RBFOX1: variants seen among roughly 807,000 people sequenced by gnomAD.
RBFOX1 encodes the protein RNA binding protein fox-1 homolog 1.
RBFOX1 carries 8 observed loss-of-function variants against 57.7 expected under a neutral mutation model. The ratio of observed to expected loss-of-function variants is 0.14; its 90% CI spans 0.08 to 0.25. The LOEUF is 0.25. Among genes scored for constraint, RBFOX1 ranks in the 10% least tolerant of loss-of-function variants. The pLI is 1.00. For missense variants in RBFOX1, 611 were observed against 548.5 expected, an observed-to-expected ratio of 1.11 and a Z score of -1.14; for synonymous variants, 326 against 222.4, an observed-to-expected ratio of 1.47 and a Z score of -4.15.
chr16:6,266,007 T>G (rs1012578423), intron 1 of RBFOX1, among the ~76,000 whole-genome samples: 2 of 152,218 alleles, frequency 1.3e-5, no homozygotes, highest in African/African-American at 4.8e-5. Context: ...TTGTGGTATT[T>G]CTTACTGCAG....
At chr16:5,609,213 A>G (rs1197634639) in intron 3 of RBFOX1, among the ~76,000 whole-genome samples, 1 of 152,208 alleles carries the variant, frequency 6.6e-6, no homozygotes, top group Non-Finnish European at 1.5e-5. Flanking sequence ...CCAAACTCCC[A>G]TGGCTTGCTT....
intron 3 of RBFOX1, among the ~76,000 whole-genome samples, chr16:6,957,322 G>C (rs1175381751): frequency 6.6e-6 from 1 of 151,690 alleles, no homozygotes; most frequent in African/African-American, 2.4e-5. Context: ...TAGTACAGAC[G>C]GGGTTTCACC....
intron 4 of RBFOX1, among the ~76,000 whole-genome samples, chr16:7,171,115 C>G (rs558677757): frequency 6.6e-6 from 1 of 152,292 alleles, no homozygotes; most frequent in East Asian, 1.9e-4. Flanking sequence ...AAACCCTCTC[C>G]CTATGTCTTG....
intron 4 of RBFOX1, among the ~76,000 whole-genome samples, chr16:7,414,285 A>C (rs1042169001): frequency 4.6e-5 from 7 of 152,252 alleles, no homozygotes; most frequent in Non-Finnish European, 1.0e-4. Context: ...GCCTTACACA[A>C]GGAACTCTAT....
intron 1 of RBFOX1, among the ~76,000 whole-genome samples, chr16:5,278,952 C>G (rs999655110): frequency 2.6e-5 from 4 of 152,082 alleles, no homozygotes; most frequent in Admixed American, 6.5e-5. Context: ...GTTTTTGTGT[C>G]TGTTTTAATA....
At chr16:5,291,364 G>A (rs1241451323) in intron 1 of RBFOX1, among the ~76,000 whole-genome samples, 4 of 146,850 alleles carry the variant, frequency 2.7e-5, no homozygotes, top group Non-Finnish European at 4.4e-5. Flanking sequence ...CCGGGTTCAC[G>A]CCATTCTCCT....
intron 4 of RBFOX1, among the ~76,000 whole-genome samples, chr16:7,234,539 G>A (rs2152935415): frequency 6.6e-6 from 1 of 151,920 alleles, no homozygotes; most frequent in African/African-American, 2.4e-5. Context: ...TGGATAGTAT[G>A]AAGCATTTAA....
intron 4 of RBFOX1, among the ~76,000 whole-genome samples, chr16:7,105,825 C>G (rs192790799): frequency 3.3e-5 from 5 of 152,106 alleles, no homozygotes; most frequent in East Asian, 1.9e-4. Flanking sequence ...TCTTTATCCA[C>G]TCATTTGATT....
intron 2 of RBFOX1, among the ~76,000 whole-genome samples, chr16:5,572,719 A>G (rs2046323155): frequency 6.6e-6 from 1 of 152,226 alleles, no homozygotes; most frequent in South Asian, 2.1e-4. Context: ...AAGGTGGTCA[A>G]ACAAAGCCTC....
At chr16:6,872,570 A>T (rs544693538) in intron 3 of RBFOX1, among the ~76,000 whole-genome samples, 4 of 152,298 alleles carry the variant, frequency 2.6e-5, no homozygotes, top group African/African-American at 9.6e-5. Context: ...TTAAAAAAAG[A>T]TAAGAACGTT....
At chr16:6,078,172 G>C (rs191527639) in intron 1 of RBFOX1, among the ~76,000 whole-genome samples, 2 of 152,084 alleles carry the variant, frequency 1.3e-5, no homozygotes, top group African/African-American at 4.8e-5. Flanking sequence ...ACATGTATGA[G>C]GAAATGCTTT....
intron 1 of RBFOX1, among the ~76,000 whole-genome samples, chr16:5,242,618 C>T (rs2062195563): frequency 6.6e-6 from 1 of 152,214 alleles, no homozygotes; most frequent in Non-Finnish European, 1.5e-5. Context: ...TCAAGAAGAA[C>T]AGAGTGCCCT....
At position 5,742,585 on chromosome 16, in the gene RBFOX1, C is replaced by T. The variant is rs1157853470; in HGVS notation, c.319-124718C>T. ...CGTCTGGCACATAGTAGATATCCAC[C>T]AGTAGCCTCATCAAAGCTCTTGGTC... On this transcript the variant is annotated intron_variant, in intron 3 of 19. Coordinates refer to the RBFOX1 transcript ENST00000641259. 2.0e-5 allele frequency among the ~76,000 whole-genome samples: 3 copies of T among 152,250 alleles called. No homozygotes were observed. In the South Asian group the frequency reaches 6.2e-4, roughly 32 times the overall value.
Position 6,113,662 on chromosome 16 carries a change from G to A in RBFOX1, c.-127+93670G>A, listed in dbSNP as rs551729356. Among the ~76,000 whole-genome samples the A allele has an allele frequency of 2.6e-3, 389 of 152,312 alleles. 1 individual carries two copies. The highest frequency in any genetic ancestry group is 4.8e-3 in the Non-Finnish European group (327 of 68,030). On this transcript the variant is annotated intron_variant, in intron 1 of 15. Coordinates refer to ENST00000550418, the MANE Select transcript of RBFOX1 (RefSeq NM_018723.4). ...AAGGGCAAGACTAAGGACACCAGAG[G>A]GGTATGAGGAGGGAGAAAAGAAGAA...
At chr16:5,790,787 G>T (rs1474998483) in intron 3 of RBFOX1, among the ~76,000 whole-genome samples, 3 of 152,076 alleles carry the variant, frequency 2.0e-5, no homozygotes, top group African/African-American at 7.2e-5. Context: ...GGCCTTACAG[G>T]ACCATTCCAG....
At chr16:7,361,514 C>G (rs1012583180) in intron 4 of RBFOX1, among the ~76,000 whole-genome samples, 2 of 152,166 alleles carry the variant, frequency 1.3e-5, no homozygotes, top group Non-Finnish European at 2.9e-5. Flanking sequence ...TGGAGTAAAT[C>G]CAGGTTAGAC....
chr16:7,707,426 G>A (rs150735850), intron 14 of RBFOX1, among the ~76,000 whole-genome samples: 193 of 152,262 alleles, frequency 1.3e-3, no homozygotes, highest in African/African-American at 4.4e-3. Context: ...GAAAAGGTAC[G>A]TGCAAATTGG....
At chr16:7,009,641 C>G (rs547156202) in intron 3 of RBFOX1, among the ~76,000 whole-genome samples, 2 of 152,070 alleles carry the variant, frequency 1.3e-5, no homozygotes, top group African/African-American at 2.4e-5. Context: ...GGAATTCTAC[C>G]GTCTGGGCAC....
chr16:7,659,788 G>C (rs2067233800), intron 12 of RBFOX1, among the ~76,000 whole-genome samples: 1 of 152,146 alleles, frequency 6.6e-6, no homozygotes, highest in African/African-American at 2.4e-5. Flanking sequence ...CCTCTGAATA[G>C]CATGAACTTA....
Sources: allele counts gnomAD v4.1 joint callset (sites outside exome capture counted in the v4.1 genomes callset), GRCh38; gene constraint gnomAD v4.1.1; transcripts MANE v1.5; gene names NCBI Gene and HGNC (gene_info 2026-07-23, HGNC 2026-07-21).